The following CTNNA3 variants were observed in gnomAD, a reference collection of about 807,000 sequenced individuals.
The protein encoded by CTNNA3 is catenin alpha 3.
Under a neutral mutation model 95.7 loss-of-function variants are expected in CTNNA3, and 76 were observed. The ratio of observed to expected loss-of-function variants is 0.79; its 90% CI spans 0.66 to 0.96. The LOEUF (loss-of-function observed/expected upper bound fraction) is 0.96, where lower values mean the gene tolerates loss of function less well. CTNNA3 is among the 40% of genes least tolerant of loss of function. The probability of loss-of-function intolerance (pLI) is 0.00; values close to 1 mark genes in which losing one functional copy is unlikely to be tolerated. For missense variants in CTNNA3, 1,191 were observed against 1,089.8 expected (o/e 1.09, Z -1.31); for synonymous variants, 431 against 374.4 (o/e 1.15, Z -1.74).
chr10:66,293,841 G>A (rs10822793), intron 12 of CTNNA3, among the ~76,000 whole-genome samples: 67,427 of 151,316 alleles, frequency 0.45, 15,792 homozygotes, highest in African/African-American at 0.6. Context: ...AATTTTTTGT[G>A]TTTTTAGTAG....
intron 12 of CTNNA3, among the ~76,000 whole-genome samples, chr10:66,300,655 C>A (rs543271750): frequency 6.6e-6 from 1 of 150,800 alleles, no homozygotes; most frequent in African/African-American, 2.4e-5. Flanking sequence ...TAGATACATA[C>A]AAATTGAAGG....
intron 5 of CTNNA3, among the ~76,000 whole-genome samples, chr10:67,390,489 G>T (rs1394372227): frequency 6.6e-6 from 1 of 151,994 alleles, no homozygotes; most frequent in Non-Finnish European, 1.5e-5. Flanking sequence ...AGGAGGAACT[G>T]GTACCATTCC....
At position 66,201,790 on chromosome 10, in the gene CTNNA3, T is replaced by C. The variant is rs1239480129; in HGVS notation, c.1884+78680A>G. On this transcript the variant is annotated intron_variant, in intron 13 of 17. Coordinates refer to ENST00000433211, the MANE Select transcript of CTNNA3 (RefSeq NM_013266.4). ...GCTGTCTTTTTACTTTTTCTTTTTT[T>C]TTTTTTTTTTTTTTTGAGATAGAGT... Among the ~76,000 whole-genome samples, 30 of 138,740 alleles carry C rather than the reference T, an allele frequency of 2.2e-4. No individual in the cohort carries two copies. In the East Asian group the frequency reaches 2.2e-3, roughly 10 times the overall value. 91.0% of individuals were successfully genotyped at this position (138,740 alleles called of 152,430 possible). A position where few individuals can be genotyped will look rare whatever the true frequency, so the allele number is the denominator to read the frequency against.
intron 15 of CTNNA3, among the ~76,000 whole-genome samples, chr10:66,004,162 T>C (rs944098551): frequency 1.3e-5 from 2 of 152,228 alleles, no homozygotes; most frequent in Non-Finnish European, 2.9e-5. Context: ...TATGTCAGTA[T>C]GCATCTTAAA....
intron 13 of CTNNA3, among the ~76,000 whole-genome samples, chr10:66,244,030 G>A (rs902954344): frequency 5.3e-5 from 8 of 152,048 alleles, no homozygotes; most frequent in African/African-American, 1.9e-4. Flanking sequence ...GCCCTAAAGG[G>A]TGAGTCCCAG....
intron 11 of CTNNA3, among the ~76,000 whole-genome samples, chr10:66,406,164 T>G (rs1183902702): frequency 1.3e-5 from 2 of 152,168 alleles, no homozygotes; most frequent in African/African-American, 4.8e-5. Context: ...AGGAATATTC[T>G]CTAACTATAT....
At chr10:67,510,668 GC>G (rs1327300385) in intron 5 of CTNNA3, among the ~76,000 whole-genome samples, 1 of 152,108 alleles carries the variant, frequency 6.6e-6, no homozygotes, top group Non-Finnish European at 1.5e-5. Flanking sequence ...AATTGTCTTG[GC>G]ACTACAAGCT....
At chr10:66,468,898 T>C (rs1337670590) in intron 11 of CTNNA3, among the ~76,000 whole-genome samples, 1 of 151,912 alleles carries the variant, frequency 6.6e-6, no homozygotes, top group Non-Finnish European at 1.5e-5. Context: ...CTACCACAAT[T>C]TAATCTTCCC....
At chr10:66,293,277 A>G (rs1220168570) in intron 12 of CTNNA3, among the ~76,000 whole-genome samples, 3 of 152,172 alleles carry the variant, frequency 2.0e-5, no homozygotes, top group Admixed American at 1.3e-4. Flanking sequence ...TGATTTCAAT[A>G]TATTACCTGT....
chr10:66,947,677 T>C (rs948281465), intron 7 of CTNNA3, among the ~76,000 whole-genome samples: 1 of 152,196 alleles, frequency 6.6e-6, no homozygotes, highest in Non-Finnish European at 1.5e-5. Flanking sequence ...TACTTTTTCT[T>C]TCATTCTGTT....
intron 14 of CTNNA3, among the ~76,000 whole-genome samples, chr10:66,070,417 C>G (rs180876726): frequency 2.0e-5 from 3 of 152,190 alleles, no homozygotes; most frequent in African/African-American, 7.2e-5. Context: ...TCTTGACTAC[C>G]GGTCATTATC....
intron 17 of CTNNA3, among the ~76,000 whole-genome samples, chr10:65,938,525 G>A (rs2077378342): frequency 6.6e-6 from 1 of 152,156 alleles, no homozygotes; most frequent in Admixed American, 6.5e-5. Flanking sequence ...AGGCTTGACA[G>A]AAGGAAGTCT....
intron 10 of CTNNA3, among the ~76,000 whole-genome samples, chr10:66,584,203 T>C (rs1185219901): frequency 6.6e-6 from 1 of 151,926 alleles, no homozygotes; most frequent in East Asian, 1.9e-4. Context: ...TCATTTTTTC[T>C]AGACTGAAAT....
At position 66,225,390 on chromosome 10, in the gene CTNNA3, A is replaced by AATATATATATATAT. The variant is rs3053735; in HGVS notation, c.1884+55066_1884+55079dup. ...GACAGGATTTCATTCATTTTATTCA[A>AATATATATATATAT]ATATATATATATATATATATATATA... is the stretch of plus-strand genomic sequence containing the variant. On this transcript the variant is annotated intron_variant, in intron 13 of 17. Coordinates refer to ENST00000433211, the MANE Select transcript of CTNNA3 (RefSeq NM_013266.4). Among the ~76,000 whole-genome samples, 184 of 125,940 alleles carry AATATATATATATAT rather than the reference A, an allele frequency of 1.5e-3. 1 individual carries two copies. The highest frequency in any genetic ancestry group is 3.8e-3 in the African/African-American group (123 of 32,196). The allele number at this position is 125,940 out of a possible 152,430, so 82.6% of individuals were successfully genotyped here.
intron 7 of CTNNA3, among the ~76,000 whole-genome samples, chr10:67,002,662 G>A (rs1851754255): frequency 6.6e-6 from 1 of 151,970 alleles, no homozygotes; most frequent in Admixed American, 6.6e-5. Flanking sequence ...ATGTATTTCA[G>A]GATGCCTACT....
chr10:66,094,246 T>C (rs2081310667), intron 14 of CTNNA3, among the ~76,000 whole-genome samples: 1 of 151,940 alleles, frequency 6.6e-6, no homozygotes. Flanking sequence ...AGACCTGAGA[T>C]TTCTGCACGA....
chr10:66,576,697 C>G (rs1335599530), intron 10 of CTNNA3, among the ~76,000 whole-genome samples: 3 of 152,008 alleles, frequency 2.0e-5, no homozygotes, highest in Admixed American at 2.0e-4. Flanking sequence ...ATTCCGTGGT[C>G]TATATGTACC....
intron 4 of CTNNA3, among the ~76,000 whole-genome samples, chr10:67,522,190 A>G (rs1405030615): frequency 1.3e-5 from 2 of 152,230 alleles, no homozygotes; most frequent in Non-Finnish European, 2.9e-5. Flanking sequence ...AAGCCTGTTC[A>G]GTCCTCATTC....
At chr10:67,605,861 G>T (rs568937868) in intron 3 of CTNNA3, among the ~76,000 whole-genome samples, 5 of 152,020 alleles carry the variant, frequency 3.3e-5, no homozygotes, top group African/African-American at 1.2e-4. Flanking sequence ...AGTAGAGATG[G>T]GGTTTCACCA....
Sources: gnomAD v4.1 joint callset for allele counts (sites outside exome capture counted in the v4.1 genomes callset) on GRCh38, gnomAD v4.1.1 for gene constraint, MANE v1.5 for transcripts, NCBI Gene and HGNC (gene_info 2026-07-23, HGNC 2026-07-21) for gene names.